Variants in LPP observed in about 807,000 individuals in gnomAD.
The protein encoded by LPP is LIM domain containing preferred translocation partner in lipoma, also known as lipoma-preferred partner.
Under a neutral mutation model 60.4 loss-of-function variants are expected in LPP, and 38 were observed. The observed-to-expected ratio is 0.63, with a 90% CI of 0.49 to 0.83. LPP has a LOEUF of 0.83. Among genes scored for constraint, LPP ranks in the 40% least tolerant of loss-of-function variants. The pLI, the probability that LPP is intolerant of heterozygous loss-of-function variation, is 0.00. For synonymous variants in LPP, 328 were observed against 290.8 expected, an observed-to-expected ratio of 1.13 and a Z score of -1.30; for missense variants, 902 against 783.6, an observed-to-expected ratio of 1.15 and a Z score of -1.80.
chr3:188,630,060 C>A (rs539956722), intron 7 of LPP, among the ~76,000 whole-genome samples: 2 of 152,160 alleles, frequency 1.3e-5, no homozygotes, highest in Non-Finnish European at 2.9e-5. Context: ...CTATTCTAGG[C>A]CTTGGCAAAA....
chr3:188,635,614 C>A (rs1022555338), intron 7 of LPP, among the ~76,000 whole-genome samples: 37 of 152,310 alleles, frequency 2.4e-4, no homozygotes, highest in Non-Finnish European at 4.4e-5. Flanking sequence ...CTCAAAAAAT[C>A]AGCATCTCAG....
chr3:188,762,059 T>G (rs1160099780), intron 9 of LPP, among the ~76,000 whole-genome samples: 4 of 152,164 alleles, frequency 2.6e-5, no homozygotes, highest in Non-Finnish European at 5.9e-5. Context: ...GACTCCATAG[T>G]TGATTTTTGC....
chr3:188,399,362 T>TA (rs61271708), intron 3 of LPP, among the ~76,000 whole-genome samples: 33,282 of 148,676 alleles, frequency 0.22, 6,012 homozygotes, highest in African/African-American at 0.51. Context: ...AGAGAATGTT[T>TA]AAAAAAAAAA....
At chr3:188,346,559 T>C (rs116096123) in intron 3 of LPP, among the ~76,000 whole-genome samples, 1,560 of 152,186 alleles carry the variant, frequency 0.01, 38 homozygotes, top group African/African-American at 0.036. Context: ...CCACCGTGCC[T>C]GGCCTAAAGT....
intron 9 of LPP, among the ~76,000 whole-genome samples, chr3:188,812,885 G>GA (rs1751445544): frequency 6.6e-6 from 1 of 151,786 alleles, no homozygotes; most frequent in African/African-American, 2.4e-5. Flanking sequence ...TTGATTTGGG[G>GA]AAAAAATTAC....
chr3:188,404,354 C>T (rs917990377), intron 3 of LPP, among the ~76,000 whole-genome samples: 2 of 152,160 alleles, frequency 1.3e-5, no homozygotes, highest in African/African-American at 4.8e-5. Flanking sequence ...AAGTGATCCT[C>T]CAACCTCAGC....
At chr3:188,629,034 G>A (rs77709254) in intron 7 of LPP, among the ~76,000 whole-genome samples, 1 of 152,052 alleles carries the variant, frequency 6.6e-6, no homozygotes, top group Non-Finnish European at 1.5e-5. Flanking sequence ...ATGCAAAAAA[G>A]GGTTTTGGTA....
At chr3:188,509,248 C>G (rs1009606310) in intron 5 of LPP, among the ~76,000 whole-genome samples, 1 of 152,090 alleles carries the variant, frequency 6.6e-6, no homozygotes, top group South Asian at 2.1e-4. Flanking sequence ...GAAGACTTAC[C>G]GTATGCTTAG....
At chr3:188,582,825 T>G (rs1253360412) in intron 6 of LPP, among the ~76,000 whole-genome samples, 3 of 152,200 alleles carry the variant, frequency 2.0e-5, no homozygotes. Flanking sequence ...TAGGTATTAT[T>G]TCTAAGCCCT....
At chr3:188,220,640 A>G (rs1183397984) in intron 1 of LPP, among the ~76,000 whole-genome samples, 1 of 152,224 alleles carries the variant, frequency 6.6e-6, no homozygotes, top group Non-Finnish European at 1.5e-5. Flanking sequence ...GACAGCAGAA[A>G]GGCTGGATGG....
chr3:188,452,815 A>G (rs1322163987), intron 4 of LPP, among the ~76,000 whole-genome samples: 3 of 152,130 alleles, frequency 2.0e-5, no homozygotes, highest in Non-Finnish European at 4.4e-5. Context: ...GTTTCGATGG[A>G]GTTATTCTGT....
At chr3:188,716,683 T>G (rs946833907) in intron 8 of LPP, among the ~76,000 whole-genome samples, 1 of 152,090 alleles carries the variant, frequency 6.6e-6, no homozygotes, top group African/African-American at 2.4e-5. Context: ...CAGTTCCCAT[T>G]CAGCGTAATG....
chr3:188,625,589 T>G (rs559437843), intron 7 of LPP, among the ~76,000 whole-genome samples: 4 of 152,292 alleles, frequency 2.6e-5, no homozygotes, highest in African/African-American at 9.6e-5. Context: ...CATTGAATCT[T>G]TGTCCCTTAT....
intron 8 of LPP, among the ~76,000 whole-genome samples, chr3:188,731,551 C>A (rs549784084): frequency 2.8e-5 from 1 of 36,204 alleles, no homozygotes; most frequent in African/African-American, 9.7e-5. Flanking sequence ...GAGATGGAGT[C>A]TCACTGTGTC....
chr3:188,234,859 G>T (rs890603572), intron 2 of LPP, among the ~76,000 whole-genome samples: 3 of 152,186 alleles, frequency 2.0e-5, no homozygotes, highest in African/African-American at 7.2e-5. Flanking sequence ...GTCAAGGTCA[G>T]AAAGGCAGGT....
chr3:188,669,064 A>T (rs1422968579), intron 7 of LPP, among the ~76,000 whole-genome samples: 2 of 152,180 alleles, frequency 1.3e-5, no homozygotes, highest in Non-Finnish European at 2.9e-5. Flanking sequence ...ATAGAGTACT[A>T]AAGAAGGAGC....
chr3:188,708,442 T>A, intron 8 of LPP, 49 bp downstream of exon 8: 1 of 1,613,626 alleles, frequency 6.2e-7, no homozygotes, highest in South Asian at 1.1e-5. Flanking sequence ...TTGCTCTGAT[T>A]TCCTTCCTTA....
intron 5 of LPP, among the ~76,000 whole-genome samples, chr3:188,495,064 T>TTTTATATATATATATATATATATA (rs1430620373): frequency 5.6e-5 from 3 of 53,876 alleles, no homozygotes; most frequent in African/African-American, 2.1e-4. Flanking sequence ...GTTCAGGATT[T>TTTTATATATATATATATATATATA]TATATATATA....
intron 4 of LPP, among the ~76,000 whole-genome samples, chr3:188,447,937 G>C (rs1289015427): frequency 6.6e-6 from 1 of 152,140 alleles, no homozygotes; most frequent in Non-Finnish European, 1.5e-5. Context: ...GTTGTACTGG[G>C]GGGCCAGAGT....
Sources: gnomAD v4.1 joint callset for allele counts (sites outside exome capture counted in the v4.1 genomes callset) on GRCh38, gnomAD v4.1.1 for gene constraint, MANE v1.5 for transcripts, NCBI Gene and HGNC (gene_info 2026-07-23, HGNC 2026-07-21) for gene names.